Variants in TEK observed in about 807,000 individuals in gnomAD.
The protein encoded by TEK is angiopoietin-1 receptor.
A neutral mutation model predicts 131.8 loss-of-function variants in TEK; 43 were observed. The observed-to-expected ratio is 0.33, with a 90% CI of 0.26 to 0.42. The LOEUF is 0.42. Ranked by LOEUF, TEK falls within the 10% of genes least tolerant of loss-of-function variation. The probability of loss-of-function intolerance (pLI) is 1.00; values close to 1 mark genes in which losing one functional copy is unlikely to be tolerated. For synonymous variants in TEK, 580 were observed against 491.6 expected (o/e 1.18, Z -2.38); for missense variants, 1,162 against 1,384.4 (o/e 0.84, Z 2.55).
intron 1 of TEK, among the ~76,000 whole-genome samples, chr9:27,147,009 G>C (rs538217941): frequency 6.6e-6 from 1 of 152,176 alleles, no homozygotes. Flanking sequence ...GATTACAGGC[G>C]TGAGACACTG....
At chr9:27,221,170 T>G (rs1377968247) in intron 21 of TEK, among the ~76,000 whole-genome samples, 4 of 152,172 alleles carry the variant, frequency 2.6e-5, no homozygotes, top group Non-Finnish European at 4.4e-5. Flanking sequence ...TCGAACTGGG[T>G]GGAGCCCACC....
At chr9:27,166,153 T>A (rs957123239) in intron 2 of TEK, among the ~76,000 whole-genome samples, 34 of 152,250 alleles carry the variant, frequency 2.2e-4, no homozygotes, top group Admixed American at 5.9e-4. Flanking sequence ...TTTATAGGAA[T>A]TCTTACTTTG....
chr9:27,225,905 C>T (rs1826304730), intron 21 of TEK, among the ~76,000 whole-genome samples: 6 of 152,058 alleles, frequency 3.9e-5, no homozygotes. Context: ...AAAACAACCC[C>T]ATCAAAAAGT....
intron 1 of TEK, among the ~76,000 whole-genome samples, chr9:27,111,501 T>C (rs1052015897): frequency 2.7e-5 from 4 of 150,346 alleles, no homozygotes; most frequent in African/African-American, 9.8e-5. Flanking sequence ...CAGTGGGTTG[T>C]TTCTTGTTTC....
chr9:27,165,902 C>T (rs769659089), intron 2 of TEK, among the ~76,000 whole-genome samples: 5 of 152,358 alleles, frequency 3.3e-5, no homozygotes, highest in South Asian at 2.1e-4. Context: ...AGCCCACAGC[C>T]GATGAAAGCA....
intron 1 of TEK, among the ~76,000 whole-genome samples, chr9:27,153,036 A>C (rs146751560): frequency 6.6e-6 from 1 of 152,214 alleles, no homozygotes; most frequent in Non-Finnish European, 1.5e-5. Flanking sequence ...ACAGTGAGCA[A>C]AACATTTTAG....
At chr9:27,135,661 G>A (rs1418317604) in intron 1 of TEK, among the ~76,000 whole-genome samples, 2 of 152,138 alleles carry the variant, frequency 1.3e-5, no homozygotes, top group Non-Finnish European at 2.9e-5. Flanking sequence ...TGACCAATCT[G>A]AGGCACAGAG....
intron 1 of TEK, among the ~76,000 whole-genome samples, chr9:27,146,006 A>G (rs1822904063): frequency 6.6e-6 from 1 of 152,226 alleles, no homozygotes; most frequent in South Asian, 2.1e-4. Flanking sequence ...TTTATCAGCA[A>G]CAGGTAACAC....
intron 12 of TEK, among the ~76,000 whole-genome samples, chr9:27,199,048 C>T (rs1466032805): frequency 2.0e-5 from 3 of 152,214 alleles, no homozygotes; most frequent in African/African-American, 4.8e-5. Context: ...AATCCTCCCG[C>T]CTTCGCCTCC....
chr9:27,168,436 T>C, intron 2 of TEK, 59 bp from the exon 3 acceptor site: 1 of 1,373,618 alleles, frequency 7.3e-7, no homozygotes, highest in Non-Finnish European at 1.0e-6. Flanking sequence ...CAAAGCTCAA[T>C]TGCTCCTGGA....
intron 1 of TEK, among the ~76,000 whole-genome samples, chr9:27,155,186 G>C (rs1292111731): frequency 6.6e-6 from 1 of 152,204 alleles, no homozygotes; most frequent in Non-Finnish European, 1.5e-5. Context: ...TGTTCACTCA[G>C]AGTCAGGCCT....
At chr9:27,162,536 C>A (rs1020236146) in intron 2 of TEK, among the ~76,000 whole-genome samples, 2 of 152,102 alleles carry the variant, frequency 1.3e-5, no homozygotes, top group Non-Finnish European at 2.9e-5. Flanking sequence ...TTATTTTATT[C>A]CTACTTTCAT....
chr9:27,213,604 G>A lies in TEK; in HGVS notation c.2991+7G>A. ...GTATGTGAAAAAGACAATGGTAAGT[G>A]CCAGACACAGACACTGATCGCATCC... On this transcript the variant is annotated splice_region_variant and intron_variant, in intron 18 of 22. Transcript: ENST00000380036. The A allele has an allele frequency of 6.3e-7, 1 of 1,598,188 alleles. No individual in the cohort carries two copies. The highest frequency in any genetic ancestry group is 8.6e-7 in the Non-Finnish European group (1 of 1,165,628).
chr9:27,221,084 G>A (rs1337824113), intron 21 of TEK, among the ~76,000 whole-genome samples: 1 of 152,196 alleles, frequency 6.6e-6, no homozygotes, highest in Non-Finnish European at 1.5e-5. Context: ...GCTTGGTGAG[G>A]GGAGAGGCAT....
rs760995397 is a variant in TEK at position 27,202,855 on chromosome 9, A to G, written c.1945A>G (p.Asn649Asp). Residue 649 changes from asparagine (N) to aspartate (D), a missense_variant, in exon 13 of 23, where the codon AAC becomes GAC. Coordinates refer to ENST00000380036, the MANE Select transcript of TEK (RefSeq NM_000459.5). ...PPQPENIKIS[N>D]ITHSSAVISW... ...TCAACCAGAAAACATCAAGATTTCC[A>G]ACATTACACACTCCTCAGCTGTGAT... 6.2e-7 allele frequency: 1 copy of G among 1,614,164 alleles called. No homozygotes were observed. Among genetic ancestry groups the G allele is most frequent in the African/African-American group, 1.3e-5 (1 of 75,064 alleles).
At chr9:27,187,278 A>G (rs146511766) in intron 9 of TEK, among the ~76,000 whole-genome samples, 1 of 152,216 alleles carries the variant, frequency 6.6e-6, no homozygotes. Flanking sequence ...GTAAATAGCC[A>G]TTAGGGAATT....
At chr9:27,155,871 C>T (rs192025887) in intron 1 of TEK, among the ~76,000 whole-genome samples, 70 of 149,856 alleles carry the variant, frequency 4.7e-4, no homozygotes, top group Admixed American at 4.1e-3. Context: ...CAGTCTGGTG[C>T]GCAGCACTGG....
At chr9:27,158,750 C>T (rs1471019840) in intron 2 of TEK, among the ~76,000 whole-genome samples, 1 of 151,312 alleles carries the variant, frequency 6.6e-6, no homozygotes, top group Non-Finnish European at 1.5e-5. Context: ...ACCTCCGCCT[C>T]CCGGGTTCAA....
At chr9:27,135,850 C>T (rs972853380) in intron 1 of TEK, among the ~76,000 whole-genome samples, 2 of 152,196 alleles carry the variant, frequency 1.3e-5, no homozygotes, top group Admixed American at 6.5e-5. Flanking sequence ...AAAACATCAC[C>T]ATGATGAAGG....
Sources: allele counts gnomAD v4.1 joint callset (sites outside exome capture counted in the v4.1 genomes callset), GRCh38; gene constraint gnomAD v4.1.1; transcripts MANE v1.5; gene names NCBI Gene and HGNC (gene_info 2026-07-23, HGNC 2026-07-21).